RAB27B: variants seen among roughly 807,000 people sequenced by gnomAD.
RAB27B encodes the protein RAB27B, member RAS oncogene family.
A neutral mutation model predicts 24.6 loss-of-function variants in RAB27B; 15 were observed. That is an observed-to-expected ratio of 0.61 (90% CI 0.41 to 0.94). The LOEUF (loss-of-function observed/expected upper bound fraction) is 0.94. RAB27B is among the 40% of genes least tolerant of loss of function. The pLI is 0.00. For synonymous variants in RAB27B, 105 were observed against 92.5 expected (o/e 1.14, Z -0.78); for missense variants, 261 against 266.8 (o/e 0.98, Z 0.15).
chr18:54,833,234 C>CTTTTTTTTTTTTTTTT (rs559070445), intron 1 of RAB27B, among the ~76,000 whole-genome samples: 1 of 129,520 alleles, frequency 7.7e-6, no homozygotes, highest in African/African-American at 2.9e-5. Context: ...TTCTTTCTTT[C>CTTTTTTTTTTTTTTTT]TTTTTTTTTT....
chr18:54,890,916 C>T lies in RAB27B; in HGVS notation c.*1503C>T, dbSNP rs1452529423. The T allele has an allele frequency of 6.6e-6, 1 of 152,002 alleles. No homozygotes were observed. The highest frequency in any genetic ancestry group is 2.4e-5 in the African/African-American group (1 of 41,414). The allele number at this position is 152,002 out of a possible 1,614,324, so 9.4% of individuals were successfully genotyped here. ...ATTTTTAATCTTAGTTTCTGATAAA[C>T]ACAAGCCATTCCTATCAAAATATTA... On this transcript the variant is annotated 3_prime_UTR_variant, in exon 6 of 6. Coordinates refer to ENST00000262094, the MANE Select transcript of RAB27B (RefSeq NM_004163.4).
chr18:54,839,974 A>G (rs1911045059), intron 1 of RAB27B, among the ~76,000 whole-genome samples: 2 of 152,338 alleles, frequency 1.3e-5, no homozygotes, highest in South Asian at 2.1e-4. Context: ...GGAAGAAACA[A>G]AAGATGCTTT....
At chr18:54,829,973 A>G (rs12454336) in intron 1 of RAB27B, among the ~76,000 whole-genome samples, 34,859 of 152,144 alleles carry the variant, frequency 0.23, 4,241 homozygotes, top group East Asian at 0.39. Flanking sequence ...CTGTTTCAGA[A>G]TTGACTATGG....
chr18:54,762,791 C>T (rs1472705718), intron 2 of RAB27B, among the ~76,000 whole-genome samples: 13 of 152,116 alleles, frequency 8.5e-5, no homozygotes, highest in African/African-American at 1.9e-4. Flanking sequence ...TCAGTACCTA[C>T]GACTCAGACA....
At chr18:54,810,692 T>G (rs1399737135) in intron 2 of RAB27B, among the ~76,000 whole-genome samples, 1 of 151,922 alleles carries the variant, frequency 6.6e-6, no homozygotes, top group Non-Finnish European at 1.5e-5. Flanking sequence ...TAGCTGGGTG[T>G]GGTGGCGGGC....
intron 2 of RAB27B, among the ~76,000 whole-genome samples, chr18:54,732,626 C>A (rs1339215813): frequency 1.3e-5 from 2 of 152,080 alleles, no homozygotes; most frequent in Non-Finnish European, 1.5e-5. Context: ...AAAAGAATTT[C>A]TTTAGCTTAT....
intron 1 of RAB27B, among the ~76,000 whole-genome samples, chr18:54,875,900 G>T (rs754772567): frequency 6.6e-6 from 1 of 151,932 alleles, no homozygotes; most frequent in Non-Finnish European, 1.5e-5. Context: ...ACATGTACAT[G>T]TACCAATTTT....
At chr18:54,858,377 GTTTT>G (rs4071703) in intron 1 of RAB27B, among the ~76,000 whole-genome samples, 3 of 127,828 alleles carry the variant, frequency 2.3e-5, no homozygotes, top group East Asian at 2.3e-4. Flanking sequence ...CAGGAAAACT[GTTTT>G]TTTTTTTTTT....
intron 1 of RAB27B, among the ~76,000 whole-genome samples, chr18:54,852,028 T>C (rs1911609205): frequency 1.3e-5 from 2 of 152,326 alleles, no homozygotes; most frequent in Non-Finnish European, 1.5e-5. Flanking sequence ...TTCAGATAAA[T>C]ACAGGTTGAC....
At chr18:54,733,579 C>A (rs1390669122) in intron 2 of RAB27B, among the ~76,000 whole-genome samples, 1 of 151,864 alleles carries the variant, frequency 6.6e-6, no homozygotes, top group Non-Finnish European at 1.5e-5. Context: ...AGGAAACCAA[C>A]CCCAAAACAT....
chr18:54,807,870 A>C (rs1313201998), intron 2 of RAB27B, among the ~76,000 whole-genome samples: 2 of 152,188 alleles, frequency 1.3e-5, no homozygotes, highest in African/African-American at 4.8e-5. Flanking sequence ...TGAGACATTA[A>C]AATTTGCCTT....
rs539360249 is a variant in RAB27B, at chr18:54,889,168, C to T, written c.468-56C>T. On this transcript the variant is annotated intron_variant, in intron 5 of 5. Transcript: ENST00000262094. The stretch of plus-strand genomic sequence containing the variant: ...ATGTGTGATTCACTTGTACATCTTG[C>T]TGTATCTGTTCTGATTTCTTCCTCT... 232 of 1,482,668 alleles carry T rather than the reference C, an allele frequency of 1.6e-4. No individual in the cohort carries two copies. The African/African-American group carries it at 3.0e-3, about 19-fold the overall frequency. The allele number at this position is 1,482,668 out of a possible 1,614,324, so 91.8% of individuals were successfully genotyped here. A position where few individuals can be genotyped will look rare whatever the true frequency, so the allele number is the denominator to read the frequency against.
intron 2 of RAB27B, among the ~76,000 whole-genome samples, chr18:54,809,039 G>T (rs925003838): frequency 6.6e-6 from 1 of 152,132 alleles, no homozygotes; most frequent in African/African-American, 2.4e-5. Flanking sequence ...TCAATTCTTT[G>T]GTTGAAATTT....
At chr18:54,785,332 C>T (rs570300565) in intron 2 of RAB27B, among the ~76,000 whole-genome samples, 23 of 152,014 alleles carry the variant, frequency 1.5e-4, no homozygotes, top group Non-Finnish European at 3.1e-4. Flanking sequence ...GAACTCCTGA[C>T]CTCAAATGAT....
intron 2 of RAB27B, among the ~76,000 whole-genome samples, chr18:54,812,645 A>T (rs1942662432): frequency 6.6e-6 from 1 of 151,862 alleles, no homozygotes; most frequent in Non-Finnish European, 1.5e-5. Context: ...AGTTTGGGAA[A>T]TTTTAACCTA....
chr18:54,734,350 A>ACTGTCC (rs1315704035), intron 2 of RAB27B, among the ~76,000 whole-genome samples: 1 of 152,106 alleles, frequency 6.6e-6, no homozygotes, highest in Non-Finnish European at 1.5e-5. Flanking sequence ...AGTACTTGAT[A>ACTGTCC]CTGTCTCTTC....
intron 2 of RAB27B, among the ~76,000 whole-genome samples, chr18:54,718,855 G>C (rs537691268): frequency 6.6e-6 from 1 of 152,164 alleles, no homozygotes; most frequent in Non-Finnish European, 1.5e-5. Context: ...TGCTTTTTAA[G>C]AGCCTTGGTG....
chr18:54,832,171 A>C (rs1910706845), intron 1 of RAB27B, among the ~76,000 whole-genome samples: 1 of 152,210 alleles, frequency 6.6e-6, no homozygotes, highest in Non-Finnish European at 1.5e-5. Context: ...CTATTCCAGT[A>C]GACCAACTAC....
intron 1 of RAB27B, among the ~76,000 whole-genome samples, chr18:54,846,314 A>G (rs1189739589): frequency 6.6e-6 from 1 of 152,232 alleles, no homozygotes; most frequent in African/African-American, 2.4e-5. Context: ...CAGTTGATGA[A>G]AATACTGGTG....
Sources: allele counts gnomAD v4.1 joint callset (sites outside exome capture counted in the v4.1 genomes callset), GRCh38; gene constraint gnomAD v4.1.1; transcripts MANE v1.5; gene names NCBI Gene and HGNC (gene_info 2026-07-23, HGNC 2026-07-21).